ROBO2: variants seen among roughly 807,000 people sequenced by gnomAD.
The protein encoded by ROBO2 is roundabout guidance receptor 2, also known as roundabout homolog 2.
A neutral mutation model predicts 160.8 loss-of-function variants in ROBO2; 53 were observed. That is an observed-to-expected ratio of 0.33 (90% CI 0.26 to 0.41). The LOEUF (loss-of-function observed/expected upper bound fraction) is 0.41, where lower values mean the gene tolerates loss of function less well. Among genes scored for constraint, ROBO2 ranks in the 10% least tolerant of loss-of-function variants. The pLI, the probability that ROBO2 is intolerant of heterozygous loss-of-function variation, is 1.00. For missense variants in ROBO2, 1,577 were observed against 1,722.4 expected (o/e 0.92, Z 1.49); for synonymous variants, 664 against 611.7 (o/e 1.09, Z -1.26).
At chr3:76,569,897 G>A (rs115442256) in intron 2 of ROBO2, among the ~76,000 whole-genome samples, 83 of 152,280 alleles carry the variant, frequency 5.5e-4, no homozygotes, top group African/African-American at 1.7e-3. Flanking sequence ...GGCCAAGGCC[G>A]GAAGATTGCT....
chr3:76,492,938 T>C (rs1333488380), intron 2 of ROBO2, among the ~76,000 whole-genome samples: 5 of 152,182 alleles, frequency 3.3e-5, no homozygotes, highest in African/African-American at 4.8e-5. Context: ...AATTTTTACA[T>C]TGTACATTGG....
intron 24 of ROBO2, 135 bp downstream of exon 26, chr3:77,643,078 A>G (rs933261165): frequency 3.9e-5 from 15 of 382,504 alleles, no homozygotes; most frequent in African/African-American, 2.9e-4. Flanking sequence ...GGAATTCCTT[A>G]GGAGATTTTA....
chr3:77,644,811 G>T (rs2095395242), exon 25 of ROBO2: 1 of 1,614,102 alleles, frequency 6.2e-7, no homozygotes, highest in Non-Finnish European at 8.5e-7. Context: ...GAAAACCGAG[G>T]TGTTGAGAGC....
chr3:76,501,513 G>T (rs1297418458), intron 2 of ROBO2, among the ~76,000 whole-genome samples: 1 of 152,162 alleles, frequency 6.6e-6, no homozygotes, highest in African/African-American at 2.4e-5. Context: ...GTATTATTAA[G>T]TGTTCAGTTG....
intron 2 of ROBO2, among the ~76,000 whole-genome samples, chr3:76,937,010 A>T (rs2077745233): frequency 7.5e-6 from 1 of 132,926 alleles, no homozygotes; most frequent in Admixed American, 7.3e-5. Flanking sequence ...GATTCTACAA[A>T]CTGGTACTCA....
At chr3:76,255,450 A>G (rs1215039034) in intron 2 of ROBO2, among the ~76,000 whole-genome samples, 1 of 152,024 alleles carries the variant, frequency 6.6e-6, no homozygotes, top group African/African-American at 2.4e-5. Context: ...CTTTTTCGCC[A>G]AGAGCCTCTT....
chr3:77,163,277 C>A (rs1340346036), intron 2 of ROBO2, among the ~76,000 whole-genome samples: 1 of 152,148 alleles, frequency 6.6e-6, no homozygotes, highest in Non-Finnish European at 1.5e-5. Flanking sequence ...ATTCCTCTTG[C>A]CATCTAAACA....
At chr3:75,972,502 T>C (rs983900129) in intron 2 of ROBO2, among the ~76,000 whole-genome samples, 2 of 151,704 alleles carry the variant, frequency 1.3e-5, no homozygotes, top group African/African-American at 4.8e-5. Flanking sequence ...ATGTTTGTGC[T>C]GCCAGCTTGA....
intron 2 of ROBO2, among the ~76,000 whole-genome samples, chr3:76,185,213 T>TATATATATATATATATATATATATAC (rs1553669747): frequency 1.2e-5 from 1 of 82,934 alleles, no homozygotes; most frequent in Non-Finnish European, 2.9e-5. Flanking sequence ...TATATATATA[T>TATATATATATATATATATATATATAC]ATACACACAC....
intron 2 of ROBO2, among the ~76,000 whole-genome samples, chr3:76,505,085 C>T (rs1217656080): frequency 6.6e-6 from 1 of 151,622 alleles, no homozygotes; most frequent in Non-Finnish European, 1.5e-5. Flanking sequence ...ATTGAAGACA[C>T]CTTAGATTTG....
rs552677270 is a variant in ROBO2, at chr3:77,135,453, T to A, written c.388+37113T>A. ...TTTCTCTCTGTCACCCAGGTTGGAGTGCAGTGATGTGATCTCTGCTCCCTG... is the reference window on the plus strand; with the variant it reads ...TTTCTCTCTGTCACCCAGGTTGGAGAGCAGTGATGTGATCTCTGCTCCCTG... On this transcript the variant is annotated intron_variant, in intron 2 of 25. Transcript: ENST00000461745. Among the ~76,000 whole-genome samples, 4 of 152,286 alleles carry A rather than the reference T, an allele frequency of 2.6e-5. No individual in the cohort carries two copies. The East Asian group carries it at 7.7e-4, about 29-fold the overall frequency.
At chr3:77,136,984 A>G (rs1030116745) in intron 2 of ROBO2, among the ~76,000 whole-genome samples, 4 of 152,020 alleles carry the variant, frequency 2.6e-5, no homozygotes, top group African/African-American at 9.7e-5. Flanking sequence ...GGGTGTTATT[A>G]TGCTACCCAG....
intron 6 of ROBO2, among the ~76,000 whole-genome samples, chr3:77,529,099 A>T (rs2091428095): frequency 6.6e-6 from 1 of 151,486 alleles, no homozygotes; most frequent in South Asian, 2.1e-4. Flanking sequence ...TCACTCATTT[A>T]TGTGTCAAAT....
At chr3:76,244,896 C>T (rs1048143434) in intron 2 of ROBO2, among the ~76,000 whole-genome samples, 3 of 152,112 alleles carry the variant, frequency 2.0e-5, no homozygotes, top group South Asian at 2.1e-4. Flanking sequence ...TCTGTGTCTT[C>T]GGTATCTAGA....
intron 5 of ROBO2, among the ~76,000 whole-genome samples, chr3:77,518,549 A>G (rs2090262511): frequency 6.6e-6 from 1 of 151,442 alleles, no homozygotes; most frequent in East Asian, 1.9e-4. Context: ...AAGACAAGGC[A>G]TGGCCCTGGG....
intron 2 of ROBO2, among the ~76,000 whole-genome samples, chr3:76,853,095 C>CA (rs1158218745): frequency 1.3e-4 from 19 of 151,972 alleles, no homozygotes; most frequent in Non-Finnish European, 2.7e-4. Flanking sequence ...AAATTACATA[C>CA]AAGTAATTTT....
chr3:76,021,292 T>TAAAAAA (rs2066568276), intron 2 of ROBO2, among the ~76,000 whole-genome samples: 2 of 151,916 alleles, frequency 1.3e-5, no homozygotes, highest in South Asian at 2.1e-4. Context: ...TCTCCTTACT[T>TAAAAAA]GTTTATATTT....
At chr3:76,263,883 G>A (rs548072329) in intron 2 of ROBO2, among the ~76,000 whole-genome samples, 43 of 152,238 alleles carry the variant, frequency 2.8e-4, no homozygotes, top group African/African-American at 9.9e-4. Flanking sequence ...GGAATACTAT[G>A]CAGCCATAAA....
chr3:77,511,004 A>G (rs1230487206), intron 5 of ROBO2, among the ~76,000 whole-genome samples: 4 of 152,000 alleles, frequency 2.6e-5, no homozygotes, highest in Non-Finnish European at 5.9e-5. Context: ...ATCAGGAAAC[A>G]GGTAGTTTAG....
Sources: allele counts gnomAD v4.1 joint callset (sites outside exome capture counted in the v4.1 genomes callset), GRCh38; gene constraint gnomAD v4.1.1; transcripts MANE v1.5; gene names NCBI Gene and HGNC (gene_info 2026-07-23, HGNC 2026-07-21).